XYLT1: variants seen among roughly 807,000 people sequenced by gnomAD.
XYLT1 encodes beta-D-xylosyltransferase 1.
XYLT1 carries 36 observed loss-of-function variants against 91.3 expected under a neutral mutation model. That is an observed-to-expected ratio of 0.39 (90% CI 0.30 to 0.52). XYLT1 has a LOEUF of 0.52. XYLT1 is among the 20% of genes least tolerant of loss of function. The pLI, the probability that XYLT1 is intolerant of heterozygous loss-of-function variation, is 0.68. For missense variants in XYLT1, 1,242 were observed against 1,284.5 expected (o/e 0.97, Z 0.51); for synonymous variants, 588 against 532.0 (o/e 1.11, Z -1.45).
At chr16:17,212,804 C>T (rs2311139) in intron 3 of XYLT1, among the ~76,000 whole-genome samples, 111,754 of 152,118 alleles carry the variant, frequency 0.73, 41,340 homozygotes, top group East Asian at 0.91. Flanking sequence ...TAGATATTGA[C>T]GGTGTATGGT....
chr16:17,185,743 G>A (rs1375285120), intron 5 of XYLT1, among the ~76,000 whole-genome samples: 1 of 152,176 alleles, frequency 6.6e-6, no homozygotes, highest in Admixed American at 6.5e-5. Context: ...GCTCACACCT[G>A]TAATCCTAGC....
At chr16:17,212,792 G>C (rs955963265) in intron 3 of XYLT1, among the ~76,000 whole-genome samples, 5 of 152,284 alleles carry the variant, frequency 3.3e-5, no homozygotes, top group Non-Finnish European at 7.4e-5. Flanking sequence ...AAACTGGTGG[G>C]ATAGATATTG....
chr16:17,456,322 C>T (rs1020278057), intron 1 of XYLT1, among the ~76,000 whole-genome samples: 2 of 146,292 alleles, frequency 1.4e-5, no homozygotes, highest in African/African-American at 5.1e-5. Flanking sequence ...AGCAGGCAAA[C>T]AGTACAAACC....
chr16:17,257,621 A>C (rs7197232), intron 3 of XYLT1, among the ~76,000 whole-genome samples: 99,850 of 152,014 alleles, frequency 0.66, 35,135 homozygotes, highest in African/African-American at 0.92. Flanking sequence ...GAGTCAATAA[A>C]CAGCGACCAC....
At chr16:17,346,731 T>C (rs2035149133) in intron 2 of XYLT1, among the ~76,000 whole-genome samples, 1 of 152,168 alleles carries the variant, frequency 6.6e-6, no homozygotes, top group South Asian at 2.1e-4. Context: ...ACTGGTCATC[T>C]GACCAAGAAC....
chr16:17,414,380 G>C (rs2036153668), intron 1 of XYLT1, among the ~76,000 whole-genome samples: 1 of 152,136 alleles, frequency 6.6e-6, no homozygotes, highest in Admixed American at 6.6e-5. Context: ...ACCCAGGCCA[G>C]AGTACAGTGG....
chr16:17,375,481 A>AATACACACAC (rs2035587008), intron 1 of XYLT1, among the ~76,000 whole-genome samples: 2 of 147,430 alleles, frequency 1.4e-5, no homozygotes, highest in Non-Finnish European at 3.0e-5. Flanking sequence ...TAACATTTAA[A>AATACACACAC]ACACACACAC....
intron 3 of XYLT1, among the ~76,000 whole-genome samples, chr16:17,204,317 G>T (rs191696583): frequency 1.1e-3 from 162 of 152,306 alleles, no homozygotes; most frequent in Middle Eastern, 0.01. Context: ...TGGAGAAAGG[G>T]CAGAGTCCTG....
rs1567291306 is a variant in XYLT1, at chr16:17,138,345, A to AAAGT, written c.1764+6_1764+9dup. ...ACTTAGGAGGCTGGCAGACCATGAGAAAGTCTCACCTGGAAGCGGTGGAAG... is the reference window on the plus strand; with the variant it reads ...ACTTAGGAGGCTGGCAGACCATGAGAAAGTAAGTCTCACCTGGAAGCGGTGGAAG... On this transcript the variant is annotated intron_variant, in intron 8 of 11. Transcript: ENST00000261381. 3.1e-6 allele frequency: 5 copies of AAAGT among 1,606,040 alleles called. No individual in the cohort carries two copies. Among genetic ancestry groups the AAAGT allele is most frequent in the Non-Finnish European group, 3.4e-6 (4 of 1,173,832 alleles).
At chr16:17,233,282 A>G (rs1218799225) in intron 3 of XYLT1, among the ~76,000 whole-genome samples, 9 of 152,202 alleles carry the variant, frequency 5.9e-5, no homozygotes, top group African/African-American at 2.2e-4. Context: ...AGGTGGCACC[A>G]GAAGACAAGT....
chr16:17,124,999 A>ATATC (rs1479176292), intron 10 of XYLT1, among the ~76,000 whole-genome samples: 4 of 151,982 alleles, frequency 2.6e-5, no homozygotes, highest in African/African-American at 7.3e-5. Context: ...TTCGTATCCT[A>ATATC]TATCTTTTTT....
intron 1 of XYLT1, among the ~76,000 whole-genome samples, chr16:17,376,094 T>C (rs1047321671): frequency 6.6e-6 from 1 of 152,224 alleles, no homozygotes; most frequent in Non-Finnish European, 1.5e-5. Context: ...GCCCTAGGGC[T>C]TAGAGGGGCC....
chr16:17,449,223 G>A (rs2036632646), intron 1 of XYLT1, among the ~76,000 whole-genome samples: 1 of 152,242 alleles, frequency 6.6e-6, no homozygotes, highest in African/African-American at 2.4e-5. Context: ...AGCTGAGCAG[G>A]CCAAAGGAGG....
intron 2 of XYLT1, among the ~76,000 whole-genome samples, chr16:17,278,148 G>A (rs938838577): frequency 2.0e-5 from 3 of 152,128 alleles, no homozygotes; most frequent in South Asian, 4.2e-4. Flanking sequence ...GCACCTTTTC[G>A]TGTATGACCA....
At position 17,358,033 on chromosome 16, in the gene XYLT1, C is replaced by A. The variant is rs530940051; in HGVS notation, c.381G>T (p.Pro127=). The change falls in exon 2 of 12, where the codon CCG becomes CCT. Residue 127 remains proline, a synonymous_variant. Coordinates refer to ENST00000261381, the MANE Select transcript of XYLT1 (RefSeq NM_022166.4). ...TTACCTGAGTCTCCAGGGTGATGAG[C>A]GGACTTGGGTGTGGATCCTGTAGGA... The part of the protein sequence containing the change: ...PARALDPHPS[P]LITLETQDGY... 2 of 1,613,238 alleles carry A rather than the reference C, an allele frequency of 1.2e-6. No individual in the cohort carries two copies. The highest frequency in any genetic ancestry group is 2.2e-5 in the South Asian group (2 of 90,956).
At chr16:17,390,300 G>C (rs2035801081) in intron 1 of XYLT1, among the ~76,000 whole-genome samples, 1 of 152,204 alleles carries the variant, frequency 6.6e-6, no homozygotes, top group African/African-American at 2.4e-5. Flanking sequence ...TGAATAAGCT[G>C]CCAGCAAGAA....
intron 3 of XYLT1, among the ~76,000 whole-genome samples, chr16:17,241,655 A>T (rs1022073525): frequency 6.6e-6 from 1 of 152,220 alleles, no homozygotes; most frequent in African/African-American, 2.4e-5. Context: ...TTGACGTTGG[A>T]ACTGATGGGG....
At chr16:17,170,179 A>C (rs2031791291) in intron 5 of XYLT1, among the ~76,000 whole-genome samples, 1 of 152,196 alleles carries the variant, frequency 6.6e-6, no homozygotes, top group Non-Finnish European at 1.5e-5. Flanking sequence ...CCTTGGAAAG[A>C]AGTTTCTATA....
intron 9 of XYLT1, among the ~76,000 whole-genome samples, chr16:17,129,911 G>A (rs529311758): frequency 6.6e-6 from 1 of 152,116 alleles, no homozygotes; most frequent in African/African-American, 2.4e-5. Flanking sequence ...CTTGTACCCG[G>A]GAGGCAGAAC....
Sources: gnomAD v4.1 joint callset for allele counts (sites outside exome capture counted in the v4.1 genomes callset) on GRCh38, gnomAD v4.1.1 for gene constraint, MANE v1.5 for transcripts, NCBI Gene and HGNC (gene_info 2026-07-23, HGNC 2026-07-21) for gene names.